The following WDFY2 variants were observed in gnomAD, a reference collection of about 807,000 sequenced individuals.
The protein encoded by WDFY2 is WD repeat and FYVE domain-containing protein 2.
WDFY2 carries 36 observed loss-of-function variants against 56.4 expected under a neutral mutation model. That is an observed-to-expected ratio of 0.64 (90% CI 0.49 to 0.84). WDFY2 has a LOEUF of 0.84. Among genes scored for constraint, WDFY2 ranks in the 40% least tolerant of loss-of-function variants. WDFY2 has a pLI of 0.00. For missense variants in WDFY2, 444 were observed against 512.2 expected, an observed-to-expected ratio of 0.87 and a Z score of 1.29; for synonymous variants, 176 against 183.7, an observed-to-expected ratio of 0.96 and a Z score of 0.34.
At chr13:51,726,337 G>GTTTGGTTAT (rs1405061606) in intron 5 of WDFY2, among the ~76,000 whole-genome samples, 12 of 152,172 alleles carry the variant, frequency 7.9e-5, no homozygotes, top group African/African-American at 2.9e-4. Context: ...AGTTAATTCA[G>GTTTGGTTAT]TAAGTCCCTT....
chr13:51,601,693 T>G (rs958965595), intron 1 of WDFY2, among the ~76,000 whole-genome samples: 5 of 152,186 alleles, frequency 3.3e-5, no homozygotes, highest in African/African-American at 9.6e-5. Flanking sequence ...TTACTGTCAT[T>G]TTAAAGATGT....
intron 5 of WDFY2, among the ~76,000 whole-genome samples, chr13:51,721,850 C>T (rs549391795): frequency 2.0e-5 from 3 of 152,276 alleles, no homozygotes; most frequent in Admixed American, 2.0e-4. Flanking sequence ...CAGCCAAGAA[C>T]CACGTGACTT....
At chr13:51,658,498 T>C (rs1313748317) in intron 1 of WDFY2, among the ~76,000 whole-genome samples, 1 of 152,236 alleles carries the variant, frequency 6.6e-6, no homozygotes, top group South Asian at 2.1e-4. Flanking sequence ...GCAATCTCCA[T>C]GGCTGCCTGC....
intron 1 of WDFY2, among the ~76,000 whole-genome samples, chr13:51,633,086 A>G (rs1023998489): frequency 1.3e-5 from 2 of 152,234 alleles, no homozygotes; most frequent in Admixed American, 6.5e-5. Context: ...GTTCAGGAAC[A>G]GTGTTCCTTT....
chr13:51,608,215 T>C (rs1954420467), intron 1 of WDFY2, among the ~76,000 whole-genome samples: 1 of 152,242 alleles, frequency 6.6e-6, no homozygotes, highest in Non-Finnish European at 1.5e-5. Flanking sequence ...TGGAAATTAA[T>C]ATATTTGTTT....
At chr13:51,685,857 C>T (rs1395278305) in intron 3 of WDFY2, among the ~76,000 whole-genome samples, 1 of 152,118 alleles carries the variant, frequency 6.6e-6, no homozygotes, top group African/African-American at 2.4e-5. Context: ...TTGGCATTTC[C>T]AATACCTAGT....
chr13:51,695,024 C>T (rs1951835030), intron 3 of WDFY2, among the ~76,000 whole-genome samples: 1 of 152,192 alleles, frequency 6.6e-6, no homozygotes, highest in Non-Finnish European at 1.5e-5. Flanking sequence ...CCTTGGCTTT[C>T]AGCTCCATCA....
chr13:51,687,091 A>T (rs1956074349), intron 3 of WDFY2, among the ~76,000 whole-genome samples: 1 of 149,944 alleles, frequency 6.7e-6, no homozygotes, highest in Non-Finnish European at 1.5e-5. Flanking sequence ...TATACTTAAT[A>T]TTTTTATAGT....
intron 4 of WDFY2, among the ~76,000 whole-genome samples, chr13:51,714,568 C>T (rs1952301618): frequency 6.6e-6 from 1 of 152,178 alleles, no homozygotes; most frequent in Non-Finnish European, 1.5e-5. Context: ...GCTGGGATTA[C>T]AGGTGTGAGC....
intron 5 of WDFY2, among the ~76,000 whole-genome samples, chr13:51,724,943 A>G (rs1233667593): frequency 6.6e-6 from 1 of 152,208 alleles, no homozygotes; most frequent in African/African-American, 2.4e-5. Context: ...ACATGTCTCA[A>G]GTTCATCTTG....
At chr13:51,684,361 A>G (rs1956024963) in intron 3 of WDFY2, among the ~76,000 whole-genome samples, 1 of 150,212 alleles carries the variant, frequency 6.7e-6, no homozygotes, top group South Asian at 2.1e-4. Context: ...ATGGTTGAGT[A>G]TTTGGTGTTT....
At chr13:51,701,036 A>C (rs1187198513) in intron 3 of WDFY2, among the ~76,000 whole-genome samples, 1 of 152,210 alleles carries the variant, frequency 6.6e-6, no homozygotes, top group African/African-American at 2.4e-5. Context: ...GTATGTACTC[A>C]TGTGGAATTG....
At chr13:51,689,088 C>G (rs1358683171) in intron 3 of WDFY2, among the ~76,000 whole-genome samples, 1 of 152,166 alleles carries the variant, frequency 6.6e-6, no homozygotes, top group African/African-American at 2.4e-5. Flanking sequence ...CCTTAAGATT[C>G]TGAAATTTGC....
intron 1 of WDFY2, among the ~76,000 whole-genome samples, chr13:51,622,268 CCT>C (rs1274502960): frequency 6.6e-6 from 1 of 151,970 alleles, no homozygotes; most frequent in African/African-American, 2.4e-5. Flanking sequence ...AGTTGACATT[CCT>C]CTCTCTCCCC....
At chr13:51,602,006 G>A (rs1954293853) in intron 1 of WDFY2, among the ~76,000 whole-genome samples, 1 of 152,200 alleles carries the variant, frequency 6.6e-6, no homozygotes. Flanking sequence ...TTTACTTGCT[G>A]TGAGTATTGG....
intron 7 of WDFY2, among the ~76,000 whole-genome samples, chr13:51,748,266 G>A (rs1272281961): frequency 2.0e-5 from 3 of 152,220 alleles, no homozygotes; most frequent in Admixed American, 6.5e-5. Context: ...ACTCTAGCCA[G>A]TGGGGACTGG....
At chr13:51,596,700 A>G (rs1331071916) in intron 1 of WDFY2, among the ~76,000 whole-genome samples, 2 of 152,186 alleles carry the variant, frequency 1.3e-5, no homozygotes, top group Non-Finnish European at 2.9e-5. Flanking sequence ...AACATACACC[A>G]CAACGATTTG....
intron 4 of WDFY2, among the ~76,000 whole-genome samples, chr13:51,704,834 A>G (rs1952051190): frequency 6.6e-6 from 1 of 152,174 alleles, no homozygotes; most frequent in African/African-American, 2.4e-5. Flanking sequence ...TTGGTCACAT[A>G]TTTGGGATAT....
chr13:51,631,386 GTC>G (rs1954949379), intron 1 of WDFY2, among the ~76,000 whole-genome samples: 1 of 144,084 alleles, frequency 6.9e-6, no homozygotes, highest in African/African-American at 2.6e-5. Flanking sequence ...GCAAGATCCT[GTC>G]TCTAAAAAAA....
Sources: allele counts gnomAD v4.1 joint callset (sites outside exome capture counted in the v4.1 genomes callset), GRCh38; gene constraint gnomAD v4.1.1; transcripts MANE v1.5; gene names NCBI Gene and HGNC (gene_info 2026-07-23, HGNC 2026-07-21).